NELL1: variants seen among roughly 807,000 people sequenced by gnomAD.
NELL1 encodes the protein protein kinase C-binding protein NELL1.
NELL1 carries 76 observed loss-of-function variants against 107.4 expected under a neutral mutation model. The observed-to-expected ratio is 0.71, with a 90% CI of 0.59 to 0.86. NELL1 has a LOEUF of 0.86. Among genes scored for constraint, NELL1 ranks in the 40% least tolerant of loss-of-function variants. The pLI, the probability that NELL1 is intolerant of heterozygous loss-of-function variation, is 0.00. For synonymous variants in NELL1, 353 were observed against 341.2 expected (o/e 1.03, Z -0.38); for missense variants, 1,024 against 1,005.5 (o/e 1.02, Z -0.25).
intron 12 of NELL1, among the ~76,000 whole-genome samples, chr11:21,053,200 C>T (rs1312716857): frequency 1.3e-5 from 2 of 151,998 alleles, no homozygotes; most frequent in African/African-American, 4.8e-5. Flanking sequence ...ATACGTGTGC[C>T]ATGGTGGTTT....
At chr11:21,466,924 A>T (rs1340842286) in intron 15 of NELL1, among the ~76,000 whole-genome samples, 1 of 151,938 alleles carries the variant, frequency 6.6e-6, no homozygotes, top group Non-Finnish European at 1.5e-5. Context: ...ATCTCCCCAG[A>T]CATTCATGTC....
chr11:21,516,919 C>G (rs1323000675), intron 15 of NELL1, among the ~76,000 whole-genome samples: 1 of 151,834 alleles, frequency 6.6e-6, no homozygotes, highest in East Asian at 1.9e-4. Flanking sequence ...ATTCTTCTAC[C>G]TCAGCCTCCC....
chr11:20,879,806 A>C (rs1849373897), intron 4 of NELL1, among the ~76,000 whole-genome samples: 1 of 152,180 alleles, frequency 6.6e-6, no homozygotes. Context: ...ATTTTGAGTA[A>C]TTTACATAGA....
At chr11:21,034,735 A>G (rs1853046655) in intron 12 of NELL1, among the ~76,000 whole-genome samples, 2 of 152,150 alleles carry the variant, frequency 1.3e-5, no homozygotes, top group African/African-American at 4.8e-5. Flanking sequence ...AATCTCTGGG[A>G]CACAGACCAG....
chr11:21,496,413 T>G (rs546635200), intron 15 of NELL1, among the ~76,000 whole-genome samples: 65 of 150,210 alleles, frequency 4.3e-4, no homozygotes, highest in Non-Finnish European at 5.9e-4. Flanking sequence ...CTCTTGTTTT[T>G]TTTTTTTTTT....
At chr11:21,444,584 A>T (rs1853372196) in intron 15 of NELL1, among the ~76,000 whole-genome samples, 1 of 151,290 alleles carries the variant, frequency 6.6e-6, no homozygotes, top group African/African-American at 2.5e-5. Context: ...TGATTTTTTT[A>T]AAACATTTAG....
At position 21,108,814 on chromosome 11, in the gene NELL1, T is replaced by G. The variant is rs184611885; in HGVS notation, c.1301-4775T>G. On this transcript the variant is annotated intron_variant, in intron 12 of 19. Coordinates refer to ENST00000357134, the MANE Select transcript of NELL1 (RefSeq NM_006157.5). ...GGAAGCAGTGATGCACGGAGCAGAA[T>G]TGCCATTTTAACAGAGAATGTAATG... Among the ~76,000 whole-genome samples the G allele has an allele frequency of 2.3e-3, 356 of 152,238 alleles. 3 individuals carry two copies. The highest frequency in any genetic ancestry group is 7.9e-3 in the African/African-American group (328 of 41,554).
At chr11:21,559,001 A>C (rs1856788710) in intron 16 of NELL1, among the ~76,000 whole-genome samples, 1 of 152,226 alleles carries the variant, frequency 6.6e-6, no homozygotes, top group Non-Finnish European at 1.5e-5. Flanking sequence ...AGGCATCATA[A>C]TTTGGGATCT....
chr11:21,165,450 G>T (rs566103638), intron 13 of NELL1, among the ~76,000 whole-genome samples: 4 of 152,234 alleles, frequency 2.6e-5, no homozygotes, highest in Non-Finnish European at 4.4e-5. Context: ...GAGCATTCCG[G>T]AGTTACCTTT....
At chr11:20,833,156 C>G (rs1049745787) in intron 3 of NELL1, among the ~76,000 whole-genome samples, 1 of 152,202 alleles carries the variant, frequency 6.6e-6, no homozygotes, top group African/African-American at 2.4e-5. Flanking sequence ...TTCTCTCTGA[C>G]TTGCTTTCTT....
At chr11:20,921,904 G>A (rs1430183329) in intron 7 of NELL1, among the ~76,000 whole-genome samples, 1 of 149,932 alleles carries the variant, frequency 6.7e-6, no homozygotes, top group Admixed American at 6.7e-5. Flanking sequence ...ATTTACTTAA[G>A]TATTTTCAAA....
intron 15 of NELL1, among the ~76,000 whole-genome samples, chr11:21,380,582 A>C (rs762893786): frequency 1.3e-5 from 2 of 152,044 alleles, no homozygotes; most frequent in Non-Finnish European, 2.9e-5. Flanking sequence ...CATCTCTGCT[A>C]AAGATCCAGC....
intron 3 of NELL1, among the ~76,000 whole-genome samples, chr11:20,821,653 A>T (rs953211762): frequency 1.3e-5 from 2 of 152,174 alleles, no homozygotes; most frequent in Admixed American, 6.5e-5. Context: ...GCTTTTTCTC[A>T]CTCTGACACA....
intron 5 of NELL1, among the ~76,000 whole-genome samples, chr11:20,899,106 G>A (rs548676534): frequency 1.3e-5 from 2 of 152,160 alleles, no homozygotes; most frequent in South Asian, 4.1e-4. Flanking sequence ...AGAAAAGTTA[G>A]TAAGCGTATG....
chr11:21,128,736 TA>T (rs1245110987), intron 13 of NELL1, among the ~76,000 whole-genome samples: 1 of 152,160 alleles, frequency 6.6e-6, no homozygotes, highest in Non-Finnish European at 1.5e-5. Flanking sequence ...AGTGTGGTAG[TA>T]AATGACTGTT....
At chr11:20,998,605 T>C (rs1343329236) in intron 12 of NELL1, among the ~76,000 whole-genome samples, 1 of 152,206 alleles carries the variant, frequency 6.6e-6, no homozygotes, top group African/African-American at 2.4e-5. Flanking sequence ...TGACACAAAA[T>C]GCATCTTGAG....
At chr11:21,050,056 A>G (rs1054963825) in intron 12 of NELL1, among the ~76,000 whole-genome samples, 3 of 152,198 alleles carry the variant, frequency 2.0e-5, no homozygotes, top group African/African-American at 7.2e-5. Flanking sequence ...GTAGACATCA[A>G]TCACTGGTGA....
rs762617748 is a variant in NELL1 at position 21,041,288 on chromosome 11, G to A, written c.1301-72301G>A. 6.6e-5 allele frequency among the ~76,000 whole-genome samples: 10 copies of A among 152,198 alleles called. No homozygotes were observed. The East Asian group carries it at 7.7e-4, about 12-fold the overall frequency. ...AGGTAATGCCTTACCTTGCGTAGTCGCTTTGAGTTAACACAACATAGTTAA... is the reference window on the plus strand; with the variant it reads ...AGGTAATGCCTTACCTTGCGTAGTCACTTTGAGTTAACACAACATAGTTAA... On this transcript the variant is annotated intron_variant, in intron 12 of 19. Coordinates refer to ENST00000357134, the MANE Select transcript of NELL1 (RefSeq NM_006157.5).
intron 13 of NELL1, among the ~76,000 whole-genome samples, chr11:21,216,690 A>G (rs1468511595): frequency 2.0e-5 from 3 of 152,138 alleles, no homozygotes; most frequent in East Asian, 3.9e-4. Context: ...GTTTTGGCCA[A>G]TTTCTTTCAT....
Sources: gnomAD v4.1 joint callset for allele counts (sites outside exome capture counted in the v4.1 genomes callset) on GRCh38, gnomAD v4.1.1 for gene constraint, MANE v1.5 for transcripts, NCBI Gene and HGNC (gene_info 2026-07-23, HGNC 2026-07-21) for gene names.